Variants in NAV1 observed in about 807,000 individuals in gnomAD.
NAV1 encodes the protein neuron navigator 1.
A neutral mutation model predicts 175.2 loss-of-function variants in NAV1; 18 were observed. That is an observed-to-expected ratio of 0.10 (90% CI 0.07 to 0.15). The LOEUF (loss-of-function observed/expected upper bound fraction) is 0.15. NAV1 is among the 10% of genes least tolerant of loss of function. The pLI, the probability that NAV1 is intolerant of heterozygous loss-of-function variation, is 1.00. For synonymous variants in NAV1, 897 were observed against 978.7 expected (o/e 0.92, Z 1.56); for missense variants, 1,731 against 2,436.6 (o/e 0.71, Z 6.10).
intron 3 of NAV1, among the ~76,000 whole-genome samples, chr1:201,742,184 T>C (rs374165216): frequency 5.7e-4 from 87 of 152,308 alleles, no homozygotes; most frequent in Admixed American, 1.8e-3. Flanking sequence ...GCCCAAGCCT[T>C]TGCTCTGGGG....
At chr1:201,681,313 A>G (rs1164322178) in intron 1 of NAV1, among the ~76,000 whole-genome samples, 1 of 152,240 alleles carries the variant, frequency 6.6e-6, no homozygotes, top group East Asian at 1.9e-4. Context: ...TTAAAAATAA[A>G]AGACCCTGTG....
intron 1 of NAV1, among the ~76,000 whole-genome samples, chr1:201,709,412 G>T (rs1167912356): frequency 6.6e-6 from 1 of 152,154 alleles, no homozygotes; most frequent in African/African-American, 2.4e-5. Flanking sequence ...CACCTTCAGG[G>T]TCATGGGTGT....
chr1:201,808,322 C>T lies in NAV1; in HGVS notation c.3846-96C>T. On this transcript the variant is annotated intron_variant, in intron 18 of 29. Coordinates refer to ENST00000367296, the Ensembl canonical transcript of NAV1. The surrounding 1 kb of genome is among the most constrained non-coding windows in gnomAD (Gnocchi z 5.5). ...CTCATGCTGATTGAATATCAATGGG[C>T]AGGAGAAGCCAAGACCACCAACCAT... 1 of 1,435,436 alleles carries T rather than the reference C, an allele frequency of 7.0e-7. No homozygotes were observed. The highest frequency in any genetic ancestry group is 9.4e-7 in the Non-Finnish European group (1 of 1,059,782). 88.9% of individuals were successfully genotyped at this position (1,435,436 alleles called of 1,614,324 possible).
At chr1:201,549,549 C>T (rs1571815272) in intron 1 of NAV1, among the ~76,000 whole-genome samples, 1 of 152,136 alleles carries the variant, frequency 6.6e-6, no homozygotes, top group East Asian at 1.9e-4. Flanking sequence ...GGACAAAAGG[C>T]CTGGCCTTGG....
chr1:201,581,750 A>C (rs1056355601), intron 1 of NAV1, among the ~76,000 whole-genome samples: 1 of 151,676 alleles, frequency 6.6e-6, no homozygotes, highest in Non-Finnish European at 1.5e-5. Context: ...AATCACTTGA[A>C]CTCCGGAGGC....
chr1:201,586,076 T>A (rs926610499), intron 1 of NAV1, among the ~76,000 whole-genome samples: 2 of 152,198 alleles, frequency 1.3e-5, no homozygotes, highest in African/African-American at 4.8e-5. Context: ...CATGTATCTG[T>A]TGACAGATGA....
At chr1:201,644,442 G>A (rs1668908563), upstream of NAV1, among the ~76,000 whole-genome samples, 1 of 152,180 alleles carries the variant, frequency 6.6e-6, no homozygotes, top group Admixed American at 6.5e-5. Flanking sequence ...CATGGGATGT[G>A]AAAAGAATCA....
At chr1:201,563,144 G>A (rs148227226) in intron 1 of NAV1, among the ~76,000 whole-genome samples, 65 of 152,302 alleles carry the variant, frequency 4.3e-4, no homozygotes, top group East Asian at 1.9e-3. Context: ...TGACCGGATC[G>A]TCAGAGGGTG....
intron 3 of NAV1, among the ~76,000 whole-genome samples, chr1:201,741,425 A>G (rs1354354372): frequency 2.0e-5 from 3 of 152,196 alleles, no homozygotes; most frequent in Non-Finnish European, 4.4e-5. Flanking sequence ...TGAGCAGAGA[A>G]TAAACCCATG....
chr1:201,733,061 ACT>A (rs1268974015), intron 3 of NAV1, among the ~76,000 whole-genome samples: 2 of 151,162 alleles, frequency 1.3e-5, no homozygotes, highest in African/African-American at 4.9e-5. Context: ...ACAGAGCGAG[ACT>A]CTGTCTCAAA....
intron 1 of NAV1, among the ~76,000 whole-genome samples, chr1:201,624,116 G>A (rs1334467525): frequency 6.6e-6 from 1 of 152,096 alleles, no homozygotes; most frequent in Non-Finnish European, 1.5e-5. Flanking sequence ...TCTCTCACTC[G>A]TTTGCTCACT....
At chr1:201,759,857 T>C (rs1674731984) in intron 3 of NAV1, among the ~76,000 whole-genome samples, 2 of 152,164 alleles carry the variant, frequency 1.3e-5, no homozygotes, top group East Asian at 3.8e-4. Flanking sequence ...GATATCAGGG[T>C]GCTAGTTGAG....
In NAV1 at chr1:201,641,400, C is replaced by T. The variant is rs575271336; in HGVS notation, c.5-7234C>T. On this transcript the variant is annotated intron_variant, in intron 2 of 29. Transcript: ENST00000367302. ...CAAAGTGGCCTTTTCAAGAGGGAAG[C>T]CAGGTCATGTCACTCTCTGCTCCCA... 2.0e-5 allele frequency among the ~76,000 whole-genome samples: 3 copies of T among 152,244 alleles called. No homozygotes were observed. The South Asian group carries it at 6.2e-4, about 32-fold the overall frequency.
chr1:201,811,120 A>G (rs1309104404), intron 24 of NAV1, among the ~76,000 whole-genome samples: 1 of 152,088 alleles, frequency 6.6e-6, no homozygotes, highest in East Asian at 1.9e-4. Context: ...AACCCTGTCA[A>G]TCCCATCCCT....
At chr1:201,798,665 A>G (rs1360031014) in intron 15 of NAV1, 1 of 146,782 alleles carries the variant, frequency 6.8e-6, no homozygotes, top group Non-Finnish European at 1.5e-5. Flanking sequence ...TAGATATTAC[A>G]TGAAAAGAAT....
chr1:201,744,345 T>TATTTATTCATTC (rs1553264474), intron 3 of NAV1, among the ~76,000 whole-genome samples: 5 of 138,320 alleles, frequency 3.6e-5, no homozygotes, highest in African/African-American at 1.1e-4. Flanking sequence ...TTTATTTATT[T>TATTTATTCATTC]ATTCATTCAT....
intron 1 of NAV1, among the ~76,000 whole-genome samples, chr1:201,691,085 A>T (rs1260211198): frequency 6.6e-6 from 1 of 152,178 alleles, no homozygotes; most frequent in African/African-American, 2.4e-5. Context: ...GTGATAATGG[A>T]GTGGGTCTTA....
chr1:201,643,764 C>T (rs1463820754), upstream of NAV1, among the ~76,000 whole-genome samples: 1 of 152,130 alleles, frequency 6.6e-6, no homozygotes, highest in East Asian at 1.9e-4. Context: ...CCCACCCTCT[C>T]CTCTCTTTGG....
chr1:201,762,905 A>T (rs937998015), intron 3 of NAV1, among the ~76,000 whole-genome samples: 1 of 152,166 alleles, frequency 6.6e-6, no homozygotes, highest in African/African-American at 2.4e-5. Flanking sequence ...GAATTATCTC[A>T]TGAAATTTAA....
Sources: allele counts gnomAD v4.1 joint callset (sites outside exome capture counted in the v4.1 genomes callset), GRCh38; gene constraint gnomAD v4.1.1; non-coding constraint Gnocchi (gnomAD v3.1); transcripts MANE v1.5; gene names NCBI Gene and HGNC (gene_info 2026-07-23, HGNC 2026-07-21).